Variants in INSL6 observed in about 807,000 individuals in gnomAD.
The protein encoded by INSL6 is insulin-like peptide INSL6.
INSL6 carries 16 observed loss-of-function variants against 9.4 expected under a neutral mutation model. The ratio of observed to expected loss-of-function variants is 1.70; its 90% confidence interval spans 1.15 to 2.59. INSL6 has a LOEUF of 2.59. Among genes scored for constraint, INSL6 ranks in the 30% most tolerant of loss-of-function variants. The probability of loss-of-function intolerance (pLI) is 0.00; values close to 1 mark genes in which losing one functional copy is unlikely to be tolerated. For missense variants in INSL6, 391 were observed against 257.3 expected (o/e 1.52, Z -3.56); for synonymous variants, 154 against 96.9 (o/e 1.59, Z -3.46).
At chr9:5,019,000 A>G in the INSL6 span, among the ~76,000 whole-genome samples, 1 of 152,286 alleles carries the variant, frequency 6.6e-6, no homozygotes, top group African/African-American at 2.4e-5. Context: ...TGTCTTTGAC[A>G]AACTGTTGAC....
At chr9:5,166,153 G>C (rs776146368) in intron 1 of INSL6, among the ~76,000 whole-genome samples, 3 of 152,188 alleles carry the variant, frequency 2.0e-5, no homozygotes, top group Non-Finnish European at 4.4e-5. Context: ...AGTCATAAAG[G>C]AACATAAACA....
At chr9:5,172,182 C>T (rs1191649726) in intron 1 of INSL6, among the ~76,000 whole-genome samples, 1 of 152,160 alleles carries the variant, frequency 6.6e-6, no homozygotes, top group Non-Finnish European at 1.5e-5. Flanking sequence ...AGAAATAAGA[C>T]CGCACATCTA....
the INSL6 span, among the ~76,000 whole-genome samples, chr9:5,080,892 CTTTTTTTTTT>C: frequency 2.1e-5 from 2 of 95,586 alleles, no homozygotes; most frequent in East Asian, 5.4e-4. Flanking sequence ...AAGACCTTTT[CTTTTTTTTTT>C]TTTTTTTTTT....
chr9:5,104,745 T>C, the INSL6 span, among the ~76,000 whole-genome samples: 1 of 152,222 alleles, frequency 6.6e-6, no homozygotes, highest in African/African-American at 2.4e-5. Context: ...GATGCAAGGC[T>C]GGTTCAACAT....
the INSL6 span, among the ~76,000 whole-genome samples, chr9:5,076,441 A>G: frequency 2.6e-5 from 4 of 152,218 alleles, no homozygotes; most frequent in African/African-American, 9.6e-5. Context: ...ATTAACATCA[A>G]GCAAAAAGAT....
At chr9:5,043,411 G>T in the INSL6 span, among the ~76,000 whole-genome samples, 15 of 152,038 alleles carry the variant, frequency 9.9e-5, no homozygotes, top group African/African-American at 3.6e-4. Context: ...GATAATAATA[G>T]GTCTACAAGG....
chr9:5,126,320 G>A, intron 3 of INSL6: 1 of 1,537,336 alleles, frequency 6.5e-7, no homozygotes, highest in African/African-American at 1.4e-5. Flanking sequence ...TATTGAAAGT[G>A]GGTTTGTTTT....
chr9:5,089,935 A>G, the INSL6 span: 207 of 1,057,334 alleles, frequency 2.0e-4, no homozygotes, highest in Middle Eastern at 3.3e-4. Flanking sequence ...TAAATGTACA[A>G]TGTCTTAACG....
At chr9:5,167,923 G>A (rs1237928216) in intron 1 of INSL6, among the ~76,000 whole-genome samples, 1 of 152,142 alleles carries the variant, frequency 6.6e-6, no homozygotes, top group African/African-American at 2.4e-5. Context: ...TCCTGGGGTG[G>A]AAGAAACCAA....
the INSL6 span, among the ~76,000 whole-genome samples, chr9:5,117,783 A>G: frequency 2.0e-5 from 3 of 152,204 alleles, no homozygotes; most frequent in African/African-American, 7.2e-5. Context: ...TTTTAAGAGT[A>G]TACGAGGAAG....
At chr9:5,137,421 T>G (rs1824406278) in intron 2 of INSL6, among the ~76,000 whole-genome samples, 1 of 152,100 alleles carries the variant, frequency 6.6e-6, no homozygotes, top group Non-Finnish European at 1.5e-5. Flanking sequence ...TCAAAACAGA[T>G]GTATAGACTA....
chr9:5,087,546 G>A, the INSL6 span, among the ~76,000 whole-genome samples: 4 of 151,992 alleles, frequency 2.6e-5, no homozygotes, highest in East Asian at 1.9e-4. Context: ...CTTTCTTTTC[G>A]CTGTATTTTT....
the INSL6 span, among the ~76,000 whole-genome samples, chr9:5,007,816 C>A: frequency 1.3e-5 from 2 of 151,960 alleles, no homozygotes; most frequent in East Asian, 3.9e-4. Flanking sequence ...CAATCTCTGC[C>A]TCCCAGGTTC....
chr9:5,109,363 A>T, the INSL6 span: 1 of 152,178 alleles, frequency 6.6e-6, no homozygotes, highest in Non-Finnish European at 1.5e-5. Flanking sequence ...CTTATCTACC[A>T]AGAAAGTATG....
At chr9:5,175,673 C>G (rs1166251682) in intron 1 of INSL6, among the ~76,000 whole-genome samples, 1 of 152,136 alleles carries the variant, frequency 6.6e-6, no homozygotes, top group Non-Finnish European at 1.5e-5. Context: ...AGCTCTACCT[C>G]CTGTCAGATC....
the INSL6 span, among the ~76,000 whole-genome samples, chr9:5,067,874 C>T: frequency 6.6e-6 from 1 of 152,014 alleles, no homozygotes; most frequent in East Asian, 1.9e-4. Flanking sequence ...GAAAGGGCAG[C>T]CAGGTGTGGT....
chr9:5,122,738 T>G (rs181736088), downstream of INSL6, among the ~76,000 whole-genome samples: 1 of 151,950 alleles, frequency 6.6e-6, no homozygotes, highest in Non-Finnish European at 1.5e-5. Context: ...AGAAGAAAAG[T>G]AGATGTCAGC....
the INSL6 span, among the ~76,000 whole-genome samples, chr9:5,059,013 C>T: frequency 7.2e-5 from 11 of 152,178 alleles, no homozygotes; most frequent in East Asian, 1.9e-4. Context: ...TCCTTTGATG[C>T]GCAGATGTTT....
the INSL6 span, among the ~76,000 whole-genome samples, chr9:5,076,810 T>G: frequency 6.6e-6 from 1 of 152,172 alleles, no homozygotes; most frequent in Non-Finnish European, 1.5e-5. Flanking sequence ...AAATTGATAA[T>G]CTTCTCAAAA....
Sources: gnomAD v4.1 joint callset for allele counts (sites outside exome capture counted in the v4.1 genomes callset) on GRCh38, gnomAD v4.1.1 for gene constraint, MANE v1.5 for transcripts, NCBI Gene and HGNC (gene_info 2026-07-23, HGNC 2026-07-21) for gene names.